Variants in NAALADL1 observed in about 807,000 individuals in gnomAD.
NAALADL1 encodes the protein N-acetylated alpha-linked acidic dipeptidase like 1.
In NAALADL1, 77 loss-of-function variants were observed where a neutral mutation model predicts 82.8. That is an observed-to-expected ratio of 0.93 (90% CI 0.77 to 1.12). The LOEUF (loss-of-function observed/expected upper bound fraction) is 1.12, where lower values mean the gene tolerates loss of function less well. Among genes scored for constraint, NAALADL1 ranks in the 50% most tolerant of loss-of-function variants. The probability of loss-of-function intolerance (pLI) is 0.00; values close to 1 mark genes in which losing one functional copy is unlikely to be tolerated. For missense variants in NAALADL1, 956 were observed against 964.0 expected, an observed-to-expected ratio of 0.99 and a Z score of 0.11; for synonymous variants, 358 against 399.2, an observed-to-expected ratio of 0.90 and a Z score of 1.23.
In NAALADL1 at chr11:65,046,209, T is replaced by G; in HGVS notation, c.1835A>C (p.Glu612Ala). 1 of 1,614,074 alleles carries G rather than the reference T, an allele frequency of 6.2e-7. No individual in the cohort carries two copies. Residue 612 changes from glutamate (E) to alanine (A), a missense_variant, in exon 15 of 18, where the codon GAG becomes GCG. Coordinates refer to ENST00000358658, the MANE Select transcript of NAALADL1 (RefSeq NM_005468.3). Reference protein sequence around the residue: ...AAQQDLGALLEQHSISLGPLV... With the variant: ...AAQQDLGALLAQHSISLGPLV... Reference sequence around the variant, plus strand: ...CATACCCAGGCTGATGCTGTGCTGCTCCAGCAGGGCCCCAAGATCTTGCTG... The same window carrying G: ...CATACCCAGGCTGATGCTGTGCTGCGCCAGCAGGGCCCCAAGATCTTGCTG...
rs1946937228 is a variant in NAALADL1, at chr11:65,053,213, C to T, written c.1198+5G>A. 6.5e-7 allele frequency: 1 copy of T among 1,537,678 alleles called. No individual in the cohort carries two copies. Among genetic ancestry groups the T allele is most frequent in the Non-Finnish European group, 8.8e-7 (1 of 1,140,416 alleles). On this transcript the variant is annotated splice_donor_5th_base_variant and intron_variant, in intron 8 of 17. Transcript: ENST00000358658. This position sits in a 1 kb window ranked among gnomAD's most constrained non-coding sequence, Gnocchi z 4.3. ...TCCCTGGTCCAGGGGAGGGGGCCGC[C>T]TCACCCTTCTTCAGCAGGGTCCCCA...
rs1370094088 is a variant in NAALADL1 at position 65,054,519 on chromosome 11, C to G, written c.823G>C (p.Val275Leu). The G allele has an allele frequency of 5.0e-6, 8 of 1,614,002 alleles. No homozygotes were observed. Among genetic ancestry groups the G allele is most frequent in the Non-Finnish European group, 6.8e-6 (8 of 1,179,990 alleles). ...GTAGGAATTGGGGGAAATCCGGAGA[C>G]ATTGGCAAGGTCCACGCGGAAGGAA... is the stretch of plus-strand genomic sequence containing the variant. ...PSSFRVDLAN[V>L]SGFPPIPTQP... Residue 275 changes from valine (V) to leucine (L), a missense_variant, in exon 5 of 18, where the codon GTC becomes CTC. Physicochemically the swap from Val to Leu is conservative, Grantham distance 32 (BLOSUM62 1). Transcript: ENST00000358658. This position sits in a 1 kb window ranked among gnomAD's most constrained non-coding sequence, Gnocchi z 4.3.
In NAALADL1 at chr11:65,054,701, A is replaced by G. The variant is rs1946989805; in HGVS notation, c.641T>C (p.Leu214Pro). The change falls in exon 5 of 18, where the codon CTG becomes CCG. Residue 214 changes from leucine to proline, a missense_variant. Physicochemically the swap from Leu to Pro is moderately conservative, Grantham distance 98. Coordinates refer to ENST00000358658, the MANE Select transcript of NAALADL1 (RefSeq NM_005468.3). This position sits in a 1 kb window ranked among gnomAD's most constrained non-coding sequence, Gnocchi z 4.3. ...GATGTCGGCAGGGTCTGTGTACACC[A>G]GCACCCCAGCTACCCCGTGCTTGGC... ...NAAKHGVAGVLVYTDPADIND... is the reference protein window; with the variant it reads ...NAAKHGVAGVPVYTDPADIND... 6.2e-7 allele frequency: 1 copy of G among 1,614,068 alleles called. No individual in the cohort carries two copies. Among genetic ancestry groups the G allele is most frequent in the South Asian group, 1.1e-5 (1 of 91,076 alleles).
chr11:65,058,048 G>A lies in NAALADL1; in HGVS notation c.358+30C>T, dbSNP rs754777352. On this transcript the variant is annotated intron_variant, in intron 2 of 17. Coordinates refer to ENST00000358658, the MANE Select transcript of NAALADL1 (RefSeq NM_005468.3). ...CTGGGCCCAGCAGCTCCCCACCCCC[G>A]GGCATTCCCAAGACTGGGCAGGACC... 94 of 1,612,436 alleles carry A rather than the reference G, an allele frequency of 5.8e-5. 3 individuals carry two copies. Among genetic ancestry groups the A allele is most frequent in the Middle Eastern group, 4.9e-4 (3 of 6,062 alleles).
chr11:65,046,048 G>A lies in NAALADL1; in HGVS notation c.1922C>T (p.Thr641Ile), dbSNP rs764164043. The change falls in exon 16 of 18, where the codon ACA becomes ATA. Residue 641 changes from threonine to isoleucine, a missense_variant. Thr to Ile is a moderately conservative substitution (Grantham distance 89, BLOSUM62 -1). Coordinates refer to ENST00000358658, the MANE Select transcript of NAALADL1 (RefSeq NM_005468.3). ...TCACTCAGGGCTGCCCTTCTGCAGT[G>A]TTGATATGCGTTGGCCCAAGGCTGC... ...EAAALGQRIS[T>I]LQKGSPDPLQ... 5.6e-6 allele frequency: 9 copies of A among 1,613,904 alleles called. No individual in the cohort carries two copies. Among genetic ancestry groups the A allele is most frequent in the Non-Finnish European group, 8.5e-7 (1 of 1,180,018 alleles).
intron 8 of NAALADL1, among the ~76,000 whole-genome samples, chr11:65,050,394 T>C (rs1333362129): frequency 7.0e-6 from 1 of 143,042 alleles, no homozygotes; most frequent in Non-Finnish European, 1.5e-5. Context: ...AGAAGAATGG[T>C]GCAGACCTAG....
intron 8 of NAALADL1, among the ~76,000 whole-genome samples, chr11:65,049,800 G>A (rs1946836754): frequency 6.6e-6 from 1 of 152,202 alleles, no homozygotes; most frequent in South Asian, 2.1e-4. Flanking sequence ...TTGAGCCCAG[G>A]AGGTCGAGCA....
intron 8 of NAALADL1, among the ~76,000 whole-genome samples, chr11:65,049,536 T>C (rs574351170): frequency 3.9e-5 from 6 of 152,180 alleles, no homozygotes; most frequent in Non-Finnish European, 8.8e-5. Context: ...AGATCACTAG[T>C]GTGATCCTGG....
At chr11:65,049,354 G>A (rs761186742) in intron 8 of NAALADL1, among the ~76,000 whole-genome samples, 21 of 152,110 alleles carry the variant, frequency 1.4e-4, no homozygotes, top group African/African-American at 2.4e-5. Flanking sequence ...GTGATTACAC[G>A]CTTGCAATTA....
At chr11:65,047,355 C>T (rs1449151082) in intron 13 of NAALADL1, 120 bp downstream of exon 13, 11 of 795,106 alleles carry the variant, frequency 1.4e-5, no homozygotes, top group Non-Finnish European at 2.0e-5. Context: ...TTTTAAGAAA[C>T]TTGGCAGAGG....
intron 8 of NAALADL1, among the ~76,000 whole-genome samples, chr11:65,051,126 C>CA (rs1200067454): frequency 1.3e-5 from 2 of 151,742 alleles, no homozygotes; most frequent in East Asian, 1.9e-4. Context: ...CTTTGACAAA[C>CA]AAAAAAATAT....
At chr11:65,058,054 TC>T in intron 2 of NAALADL1, 23 bp downstream of exon 2, 3 of 1,612,388 alleles carry the variant, frequency 1.9e-6, no homozygotes, top group Non-Finnish European at 1.7e-6. Flanking sequence ...CCCCGGGCAT[TC>T]CCAAGACTGG....
rs1222550060 is a variant in NAALADL1 at position 65,053,282 on chromosome 11, G to T, written c.1134C>A (p.Asp378Glu). 3 of 1,557,036 alleles carry T rather than the reference G, an allele frequency of 1.9e-6. No homozygotes were observed. Among genetic ancestry groups the T allele is most frequent in the South Asian group, 2.4e-5 (2 of 84,368 alleles). The change falls in exon 8 of 18, where the codon GAC becomes GAA. Residue 378 changes from aspartate (D) to glutamate (E), a missense_variant. By Grantham distance (45) the Asp-to-Glu change is conservative. Coordinates refer to ENST00000358658, the MANE Select transcript of NAALADL1 (RefSeq NM_005468.3). The surrounding 1 kb of genome is among the most constrained non-coding windows in gnomAD (Gnocchi z 4.3). ...GGAGGACGGCGGTGCCACTGCTGGG[G>T]TCCACAGCCCCGTGCACCCAGCTGT... ...HRDSWVHGAV[D>E]PSSGTAVLLE...
chr11:65,060,998 G>A (rs1158962443), upstream of NAALADL1, among the ~76,000 whole-genome samples: 9 of 151,898 alleles, frequency 5.9e-5, no homozygotes, highest in East Asian at 1.4e-3. Context: ...CACCTCCCAC[G>A]TGTACTCACC....
At position 65,045,289 on chromosome 11, in the gene NAALADL1, C is replaced by T. The variant is rs562392; in HGVS notation, c.2205G>A (p.Arg735=). The change falls in exon 18 of 18, where the codon AGG becomes AGA. Residue 735 remains arginine, a synonymous_variant. Coordinates refer to ENST00000358658, the MANE Select transcript of NAALADL1 (RefSeq NM_005468.3). ...TALEGAAATL[R]PVADL is the part of the protein sequence containing the mutation. ...GCTGGGGTCAGAGGTCAGCCACAGG[C>T]CTCAGGGTGGCTGCCGCACCCTCCA... The T allele has an allele frequency of 6.2e-7, 1 of 1,608,046 alleles. No homozygotes were observed.
chr11:65,047,875 G>A, intron 11 of NAALADL1, 106 bp downstream of exon 11: 1 of 1,465,436 alleles, frequency 6.8e-7, no homozygotes, highest in Admixed American at 2.0e-5. Flanking sequence ...AGCCCCAGCA[G>A]ATCTAGAGAG....
chr11:65,047,857 C>T (rs1165157045), intron 11 of NAALADL1, 119 bp from the exon 12 acceptor site: 2 of 1,466,856 alleles, frequency 1.4e-6, no homozygotes, highest in Non-Finnish European at 1.8e-6. Context: ...TTGCCCCAGC[C>T]TCAGTCCAGC....
Position 65,053,161 on chromosome 11 carries a change from C to G in NAALADL1, c.1198+57G>C. ...GCAGTGTGAGGGAGAGGAGGTGGAACAGGAAGGGGACCTCCGGGGGCGAAG... is the reference window on the plus strand; with the variant it reads ...GCAGTGTGAGGGAGAGGAGGTGGAAGAGGAAGGGGACCTCCGGGGGCGAAG... On this transcript the variant is annotated intron_variant, in intron 8 of 17. Coordinates refer to ENST00000358658, the MANE Select transcript of NAALADL1 (RefSeq NM_005468.3). The surrounding 1 kb of genome is among the most constrained non-coding windows in gnomAD (Gnocchi z 4.3). 1 of 1,485,770 alleles carries G rather than the reference C, an allele frequency of 6.7e-7. No individual in the cohort carries two copies. The highest frequency in any genetic ancestry group is 9.0e-7 in the Non-Finnish European group (1 of 1,116,028). The allele number at this position is 1,485,770 out of a possible 1,614,324, so 92.0% of individuals were successfully genotyped here. A position where few individuals can be genotyped will look rare whatever the true frequency, so the allele number is the denominator to read the frequency against.
chr11:65,045,096 G>T lies in NAALADL1; in HGVS notation c.*175C>A. On this transcript the variant is annotated 3_prime_UTR_variant, in exon 18 of 18. Coordinates refer to ENST00000358658, the MANE Select transcript of NAALADL1 (RefSeq NM_005468.3). Reference sequence around the variant, plus strand: ...TCTGCCACCTAAGCACCAGGATGAGGGTGAGTTGCATTAGGGCTTGCCACT... The same window carrying T: ...TCTGCCACCTAAGCACCAGGATGAGTGTGAGTTGCATTAGGGCTTGCCACT... 1.4e-6 allele frequency: 1 copy of T among 715,078 alleles called. No homozygotes were observed. The highest frequency in any genetic ancestry group is 2.3e-6 in the Non-Finnish European group (1 of 442,218). 44.3% of individuals were successfully genotyped at this position (715,078 alleles called of 1,614,324 possible).
Sources: gnomAD v4.1 joint callset for allele counts (sites outside exome capture counted in the v4.1 genomes callset) on GRCh38, gnomAD v4.1.1 for gene constraint, Gnocchi (gnomAD v3.1) non-coding constraint, MANE v1.5 for transcripts, NCBI Gene and HGNC (gene_info 2026-07-23, HGNC 2026-07-21) for gene names.